Variants in DGKH observed in about 807,000 individuals in gnomAD.
DGKH encodes diacylglycerol kinase eta.
DGKH carries 90 observed loss-of-function variants against 159.3 expected under a neutral mutation model. The observed-to-expected ratio is 0.57, with a 90% CI of 0.48 to 0.67. The LOEUF (loss-of-function observed/expected upper bound fraction) is 0.67. Among genes scored for constraint, DGKH ranks in the 30% least tolerant of loss-of-function variants. DGKH has a pLI of 0.00. For missense variants in DGKH, 1,181 were observed against 1,506.1 expected, an observed-to-expected ratio of 0.78 and a Z score of 3.57; for synonymous variants, 536 against 553.8, an observed-to-expected ratio of 0.97 and a Z score of 0.45.
At chr13:42,045,421 A>G (rs924711410), upstream of DGKH, among the ~76,000 whole-genome samples, 4 of 152,236 alleles carry the variant, frequency 2.6e-5, no homozygotes, top group Non-Finnish European at 4.4e-5. Context: ...GTTTCAAAGG[A>G]TAGGGCCAAA....
chr13:42,249,471 A>G (rs1958604766), intron 29 of DGKH, among the ~76,000 whole-genome samples: 1 of 131,860 alleles, frequency 7.6e-6, no homozygotes, highest in African/African-American at 2.6e-5. Context: ...ATTGCAACCT[A>G]TTAAACTGAT....
chr13:42,203,166 A>G (rs1957387470), intron 20 of DGKH, among the ~76,000 whole-genome samples: 1 of 152,192 alleles, frequency 6.6e-6, no homozygotes, highest in Non-Finnish European at 1.5e-5. Context: ...AGTAATAACT[A>G]GTTGTAACTA....
At chr13:42,054,684 C>T (rs1385524814) in intron 1 of DGKH, among the ~76,000 whole-genome samples, 1 of 152,088 alleles carries the variant, frequency 6.6e-6, no homozygotes, top group Non-Finnish European at 1.5e-5. Context: ...AGTAAGGTGA[C>T]TGTAGTAATA....
intron 23 of DGKH, among the ~76,000 whole-genome samples, 168 bp from the exon 24 acceptor site, chr13:42,210,434 T>C (rs1421595819): frequency 6.6e-6 from 1 of 152,232 alleles, no homozygotes; most frequent in East Asian, 1.9e-4. Context: ...ACTGCACTAC[T>C]TTTCATGTGT....
chr13:42,053,430 A>G (rs979010765), intron 1 of DGKH, among the ~76,000 whole-genome samples: 1 of 142,252 alleles, frequency 7.0e-6, no homozygotes, highest in Admixed American at 7.0e-5. Context: ...GTAACTCTAT[A>G]TGTAGCTATA....
chr13:42,187,396 A>T (rs1288960145), intron 14 of DGKH, among the ~76,000 whole-genome samples: 1 of 152,006 alleles, frequency 6.6e-6, no homozygotes, highest in African/African-American at 2.4e-5. Flanking sequence ...TTTTTTTTGG[A>T]GACAGAGTCT....
intron 26 of DGKH, among the ~76,000 whole-genome samples, chr13:42,218,148 G>A (rs1957854176): frequency 6.6e-6 from 1 of 152,208 alleles, no homozygotes; most frequent in Admixed American, 6.5e-5. Context: ...AAGGCCAGGA[G>A]TAGAATCCAA....
rs144559048 is a variant in DGKH, at chr13:42,170,910, T to G, written c.1367+2092T>G. The stretch of plus-strand genomic sequence containing the variant: ...GTGAGCCAAGATCATGCCAATGCAC[T>G]GAAGCCTGGCCAACAGAGCGAGACT... On this transcript the variant is annotated intron_variant, in intron 11 of 29. Transcript: ENST00000337343. Among the ~76,000 whole-genome samples the G allele has an allele frequency of 8.6e-3, 1,256 of 145,614 alleles. 17 individuals carry two copies. Among genetic ancestry groups the G allele is most frequent in the African/African-American group, 0.031 (1,200 of 39,114 alleles).
intron 25 of DGKH, among the ~76,000 whole-genome samples, chr13:42,215,266 A>G (rs1211646023): frequency 7.3e-6 from 1 of 137,608 alleles, no homozygotes; most frequent in Non-Finnish European, 1.6e-5. Flanking sequence ...TACTGAGAGT[A>G]AAAGTTTTTT....
chr13:42,151,730 A>G (rs1170130681), intron 3 of DGKH, among the ~76,000 whole-genome samples: 2 of 151,606 alleles, frequency 1.3e-5, no homozygotes, highest in Non-Finnish European at 2.9e-5. Flanking sequence ...TATCTTTGCT[A>G]TTGTTAATAG....
intron 3 of DGKH, among the ~76,000 whole-genome samples, chr13:42,136,412 AAAG>A (rs1487546644): frequency 1.3e-5 from 2 of 152,222 alleles, no homozygotes; most frequent in Non-Finnish European, 2.9e-5. Context: ...GTTATTTGCG[AAAG>A]AAGAGCTATT....
chr13:42,040,150 T>G (rs934482821), intron 1 of DGKH: 5 of 152,220 alleles, frequency 3.3e-5, no homozygotes, highest in Admixed American at 1.3e-4. Flanking sequence ...GGGATTTCGC[T>G]CAAGCCTCAG....
At chr13:42,127,745 A>G (rs1955199603) in intron 2 of DGKH, among the ~76,000 whole-genome samples, 172 bp downstream of exon 2, 2 of 152,210 alleles carry the variant, frequency 1.3e-5, no homozygotes, top group African/African-American at 4.8e-5. Context: ...TATTTGAGTC[A>G]GTCCCATAAC....
At chr13:42,161,973 C>G (rs1359916430) in intron 7 of DGKH, among the ~76,000 whole-genome samples, 2 of 152,106 alleles carry the variant, frequency 1.3e-5, no homozygotes, top group Admixed American at 6.5e-5. Flanking sequence ...ATTCTATTCA[C>G]CCCTAACTTT....
chr13:42,201,841 A>C (rs921750342), intron 20 of DGKH, among the ~76,000 whole-genome samples: 1 of 152,226 alleles, frequency 6.6e-6, no homozygotes, highest in African/African-American at 2.4e-5. Flanking sequence ...AATAAATACC[A>C]TAACTTCAAA....
chr13:42,040,445 A>G (rs1447759119), intron 1 of DGKH, among the ~76,000 whole-genome samples: 1 of 151,350 alleles, frequency 6.6e-6, no homozygotes, highest in Non-Finnish European at 1.5e-5. Flanking sequence ...TCCGCGCCTT[A>G]TAAGGCCTGA....
At position 42,233,864 on chromosome 13, in the gene DGKH, C is replaced by T. The variant is rs1002968383; in HGVS notation, c.*4676C>T. On this transcript the variant is annotated 3_prime_UTR_variant, in exon 30 of 30. Transcript: ENST00000337343. ...CTTGTACATTTTCATTTTCTCTTAT[C>T]AGTAGATTGTCCTTGTTGACATAGC... The T allele has an allele frequency of 2.4e-4, 36 of 152,186 alleles. No individual in the cohort carries two copies. Among genetic ancestry groups the T allele is most frequent in the African/African-American group, 8.2e-4 (34 of 41,454 alleles). The allele number at this position is 152,186 out of a possible 1,614,324, so 9.4% of individuals were successfully genotyped here.
intron 20 of DGKH, among the ~76,000 whole-genome samples, chr13:42,203,905 C>T (rs1478897281): frequency 2.0e-5 from 3 of 152,088 alleles, no homozygotes; most frequent in Non-Finnish European, 4.4e-5. Flanking sequence ...ATTTAACACT[C>T]CTGAAGTTTT....
At chr13:42,176,871 T>TTTAA (rs781285054) in intron 12 of DGKH, among the ~76,000 whole-genome samples, 206 of 152,352 alleles carry the variant, frequency 1.4e-3, no homozygotes, top group Non-Finnish European at 9.3e-4. Context: ...TATGAGGCTG[T>TTTAA]TTAAATATTG....
Sources: allele counts gnomAD v4.1 joint callset (sites outside exome capture counted in the v4.1 genomes callset), GRCh38; gene constraint gnomAD v4.1.1; transcripts MANE v1.5; gene names NCBI Gene and HGNC (gene_info 2026-07-23, HGNC 2026-07-21).